Variants in PACRG observed in about 807,000 individuals in gnomAD.
PACRG encodes parkin coregulated, also known as parkin coregulated gene protein.
PACRG carries 29 observed loss-of-function variants against 29.7 expected under a neutral mutation model. The observed-to-expected ratio is 0.98, with a 90% CI of 0.73 to 1.33. PACRG has a LOEUF of 1.33. Among genes scored for constraint, PACRG ranks in the 40% most tolerant of loss-of-function variants. The probability of loss-of-function intolerance (pLI) is 0.00; values close to 1 mark genes in which losing one functional copy is unlikely to be tolerated. For missense variants in PACRG, 279 were observed against 316.2 expected (o/e 0.88, Z 0.89); for synonymous variants, 116 against 118.7 (o/e 0.98, Z 0.15).
intron 2 of PACRG, among the ~76,000 whole-genome samples, chr6:162,852,001 G>GGAAGGAAGGAAAGGAAGGAAGGA (rs1554291923): frequency 1.9e-3 from 191 of 100,060 alleles, no homozygotes; most frequent in African/African-American, 8.4e-3. Context: ...GGGAGGGAGG[G>GGAAGGAAGGAAAGGAAGGAAGGA]AGGGAGGAAG....
At chr6:162,865,785 C>T (rs1584586419) in intron 2 of PACRG, among the ~76,000 whole-genome samples, 1 of 152,068 alleles carries the variant, frequency 6.6e-6, no homozygotes, top group Admixed American at 6.5e-5. Flanking sequence ...CTTTAATTTA[C>T]TAGATTTTTT....
intron 2 of PACRG, among the ~76,000 whole-genome samples, chr6:162,850,507 G>A (rs560560814): frequency 1.3e-5 from 2 of 152,162 alleles, no homozygotes; most frequent in Non-Finnish European, 2.9e-5. Context: ...CCAGGGAGGG[G>A]AGAGGGGCTG....
chr6:163,243,013 G>T (rs562476761), intron 4 of PACRG, among the ~76,000 whole-genome samples: 1 of 152,214 alleles, frequency 6.6e-6, no homozygotes, highest in South Asian at 2.1e-4. Flanking sequence ...TTCATTAAGT[G>T]ACTTTTAGTT....
intron 1 of PACRG, among the ~76,000 whole-genome samples, chr6:162,775,150 G>A (rs531457633): frequency 3.9e-5 from 6 of 152,242 alleles, no homozygotes; most frequent in African/African-American, 1.4e-4. Flanking sequence ...CACCATGTGG[G>A]GACCCAGTGA....
chr6:163,168,000 C>T (rs2985665), intron 4 of PACRG, among the ~76,000 whole-genome samples: 148,532 of 152,338 alleles, frequency 0.98, 72,426 homozygotes, highest in East Asian at 1. Flanking sequence ...TTTTTTGCTG[C>T]GGTGTTTGTT....
intron 2 of PACRG, among the ~76,000 whole-genome samples, chr6:162,841,660 C>T (rs1445820732): frequency 6.8e-6 from 1 of 146,638 alleles, no homozygotes; most frequent in African/African-American, 2.5e-5. Context: ...TTTGCTCTTG[C>T]TTTTCTAGTT....
At chr6:162,842,791 G>C (rs1266496909) in intron 2 of PACRG, among the ~76,000 whole-genome samples, 1 of 129,898 alleles carries the variant, frequency 7.7e-6, no homozygotes, top group Admixed American at 8.0e-5. Context: ...GGGCAGTCCT[G>C]GTGGTGACAA....
intron 2 of PACRG, among the ~76,000 whole-genome samples, chr6:162,933,152 C>G (rs1480877722): frequency 6.6e-6 from 1 of 152,056 alleles, no homozygotes; most frequent in Non-Finnish European, 1.5e-5. Context: ...TGTTTACTCT[C>G]CGTACATTTG....
chr6:163,006,919 T>C (rs1805173162), intron 2 of PACRG, among the ~76,000 whole-genome samples: 1 of 152,100 alleles, frequency 6.6e-6, no homozygotes. Flanking sequence ...GATTAATTGC[T>C]TCTATTATGA....
chr6:163,171,491 G>A (rs938630806), intron 4 of PACRG, among the ~76,000 whole-genome samples: 6 of 152,290 alleles, frequency 3.9e-5, no homozygotes, highest in South Asian at 2.1e-4. Context: ...AGCTCAGAGC[G>A]GTTAAGCAAT....
intron 4 of PACRG, among the ~76,000 whole-genome samples, chr6:163,220,861 CA>C (rs1217945617): frequency 1.8e-4 from 27 of 152,166 alleles, no homozygotes; most frequent in Non-Finnish European, 3.1e-4. Flanking sequence ...TAAATCCTCA[CA>C]ACATCCCTAT....
chr6:162,959,478 A>G (rs1166869261), intron 2 of PACRG, among the ~76,000 whole-genome samples: 1 of 152,126 alleles, frequency 6.6e-6, no homozygotes, highest in Non-Finnish European at 1.5e-5. Flanking sequence ...CAGTGTCCCC[A>G]GCATGGAGTC....
chr6:162,929,814 A>T (rs186760150), intron 2 of PACRG, among the ~76,000 whole-genome samples: 3 of 152,084 alleles, frequency 2.0e-5, no homozygotes. Flanking sequence ...CAGTTTTCCT[A>T]GTACCATGTA....
At chr6:162,736,757 A>G (rs370372324) in intron 1 of PACRG, among the ~76,000 whole-genome samples, 2 of 151,858 alleles carry the variant, frequency 1.3e-5, no homozygotes, top group African/African-American at 2.4e-5. Flanking sequence ...GAGCATATAG[A>G]GTGTATATAC....
intron 1 of PACRG, among the ~76,000 whole-genome samples, chr6:162,806,444 G>A (rs1022003458): frequency 1.3e-5 from 2 of 150,016 alleles, no homozygotes; most frequent in African/African-American, 2.4e-5. Flanking sequence ...AAAAAAAAAA[G>A]CTGAAAGTCA....
At chr6:162,742,661 TTTAA>T (rs1158929060) in intron 1 of PACRG, among the ~76,000 whole-genome samples, 2 of 152,148 alleles carry the variant, frequency 1.3e-5, no homozygotes, top group African/African-American at 4.8e-5. Context: ...TTGTAGTAGT[TTTAA>T]TCCTTCTCTT....
At chr6:162,891,044 GA>G (rs1191111722) in intron 2 of PACRG, among the ~76,000 whole-genome samples, 1 of 152,180 alleles carries the variant, frequency 6.6e-6, no homozygotes, top group Non-Finnish European at 1.5e-5. Flanking sequence ...AAAGCCTTGT[GA>G]TGCTCATACG....
chr6:162,981,933 A>T (rs9347714), intron 2 of PACRG, among the ~76,000 whole-genome samples: 66,916 of 145,578 alleles, frequency 0.46, 15,761 homozygotes, highest in East Asian at 0.74. Flanking sequence ...TGGTTGACAA[A>T]TTTTTTCTGT....
At chr6:163,180,339 C>T (rs1208622064) in intron 4 of PACRG, among the ~76,000 whole-genome samples, 1 of 152,200 alleles carries the variant, frequency 6.6e-6, no homozygotes, top group Non-Finnish European at 1.5e-5. Flanking sequence ...ATCACGAAGC[C>T]TTCACAAGAT....
Sources: allele counts gnomAD v4.1 joint callset (sites outside exome capture counted in the v4.1 genomes callset), GRCh38; gene constraint gnomAD v4.1.1; transcripts MANE v1.5; gene names NCBI Gene and HGNC (gene_info 2026-07-23, HGNC 2026-07-21).